Variants in PIKFYVE observed in about 807,000 individuals in gnomAD.
PIKFYVE encodes phosphoinositide kinase, FYVE-type zinc finger containing.
In PIKFYVE, 122 loss-of-function variants were observed where a neutral mutation model predicts 257.9. That is an observed-to-expected ratio of 0.47 (90% confidence interval 0.41 to 0.55). PIKFYVE has a LOEUF of 0.55. Ranked by LOEUF, PIKFYVE falls within the 20% of genes least tolerant of loss-of-function variation. The probability of loss-of-function intolerance (pLI) is 0.00; values close to 1 mark genes in which losing one functional copy is unlikely to be tolerated. For synonymous variants in PIKFYVE, 892 were observed against 868.9 expected, an observed-to-expected ratio of 1.03 and a Z score of -0.47; for missense variants, 2,160 against 2,536.6, an observed-to-expected ratio of 0.85 and a Z score of 3.19.
intron 1 of PIKFYVE, among the ~76,000 whole-genome samples, chr2:208,267,036 C>T (rs1055385741): frequency 1.1e-4 from 16 of 152,160 alleles, no homozygotes; most frequent in African/African-American, 3.9e-4. Context: ...GGTTTTCTGC[C>T]CAATCAGAGG....
At chr2:208,330,754 T>C (rs1697444724) in intron 23 of PIKFYVE, 60 bp downstream of exon 23, 2 of 1,419,330 alleles carry the variant, frequency 1.4e-6, no homozygotes, top group East Asian at 2.5e-5. Flanking sequence ...GTATGTTTTT[T>C]TTTTTTCCTG....
chr2:208,341,050 C>A (rs1027798161), intron 31 of PIKFYVE, among the ~76,000 whole-genome samples: 6 of 151,944 alleles, frequency 3.9e-5, no homozygotes, highest in African/African-American at 1.5e-4. Context: ...CTCTGTCACC[C>A]AGGCTGGAAT....
chr2:208,316,550 C>CT (rs1695543675), intron 15 of PIKFYVE, among the ~76,000 whole-genome samples: 2 of 152,024 alleles, frequency 1.3e-5, no homozygotes, highest in African/African-American at 4.8e-5. Flanking sequence ...TGTTTCCTGA[C>CT]TTTTTAATGA....
At chr2:208,349,032 G>C (rs533723453) in intron 35 of PIKFYVE, among the ~76,000 whole-genome samples, 45 of 152,026 alleles carry the variant, frequency 3.0e-4, no homozygotes, top group African/African-American at 1.1e-3. Context: ...GCCTGGTGGC[G>C]CATGCCTGTA....
chr2:208,270,812 T>G (rs1376863465), intron 1 of PIKFYVE, among the ~76,000 whole-genome samples: 1 of 152,082 alleles, frequency 6.6e-6, no homozygotes, highest in Non-Finnish European at 1.5e-5. Flanking sequence ...GGCGGGTGGA[T>G]TACCTGAAGT....
intron 7 of PIKFYVE, among the ~76,000 whole-genome samples, chr2:208,293,161 T>C (rs1053577530): frequency 2.6e-5 from 4 of 151,872 alleles, no homozygotes; most frequent in Non-Finnish European, 4.4e-5. Context: ...AATAATACTA[T>C]ACTACTTCAC....
chr2:208,305,522 T>C, intron 12 of PIKFYVE: 1 of 832,450 alleles, frequency 1.2e-6, no homozygotes, highest in Non-Finnish European at 1.4e-6. Context: ...TCTATATTTA[T>C]TAAAACAATT....
chr2:208,302,670 C>T (rs1693839486), intron 10 of PIKFYVE: 1 of 338,332 alleles, frequency 3.0e-6, no homozygotes, highest in African/African-American at 2.1e-5. Flanking sequence ...TATCATTTAA[C>T]TTTAATGGTT....
At chr2:208,335,663 T>C (rs577118548) in intron 25 of PIKFYVE, 130 bp from the exon 26 acceptor site, 12 of 861,926 alleles carry the variant, frequency 1.4e-5, no homozygotes, top group African/African-American at 8.5e-5. Context: ...TCTGCAAAAC[T>C]GTATGTAATT....
In PIKFYVE at chr2:208,325,958, A is replaced by G; in HGVS notation, c.3147A>G (p.Leu1049=). The change falls in exon 20 of 42, where the codon TTA becomes TTG. Residue 1049 remains leucine, a synonymous_variant. Coordinates refer to ENST00000264380, the MANE Select transcript of PIKFYVE (RefSeq NM_015040.4). ...KTYSLAFKQE[L]KDVILCISPV... ...ATTCTTTGGCCTTTAAGCAGGAATT[A>G]AAAGATGTGATCCTCTGTATCTCCC... The G allele has an allele frequency of 6.2e-7, 1 of 1,614,046 alleles. No individual in the cohort carries two copies. Among genetic ancestry groups the G allele is most frequent in the Non-Finnish European group, 8.5e-7 (1 of 1,179,906 alleles).
rs767043692 is a variant in PIKFYVE, at chr2:208,305,075, A to T, written c.1636+62A>T. ...CTGGACAGCTGGGCCATAGGATCTC[A>T]TGCCAGCCTGTCCTTCTGGCTTCCT... On this transcript the variant is annotated intron_variant, in intron 12 of 41. Coordinates refer to ENST00000264380, the MANE Select transcript of PIKFYVE (RefSeq NM_015040.4). The T allele has an allele frequency of 6.9e-6, 11 of 1,593,556 alleles. No individual in the cohort carries two copies. The South Asian group carries it at 1.1e-4, about 16-fold the overall frequency.
intron 31 of PIKFYVE, among the ~76,000 whole-genome samples, chr2:208,340,418 T>G (rs2125714382): frequency 6.6e-6 from 1 of 152,346 alleles, no homozygotes; most frequent in Non-Finnish European, 1.5e-5. Context: ...TGTGGCTATA[T>G]CCACTGATTT....
intron 17 of PIKFYVE, among the ~76,000 whole-genome samples, chr2:208,321,269 C>G (rs150990270): frequency 0.011 from 1,648 of 152,054 alleles, 15 homozygotes; most frequent in Middle Eastern, 0.051. Context: ...TGCTGGGTTC[C>G]AGAAACATTT....
chr2:208,348,327 G>A (rs1354313971), intron 35 of PIKFYVE, among the ~76,000 whole-genome samples: 1 of 152,166 alleles, frequency 6.6e-6, no homozygotes, highest in African/African-American at 2.4e-5. Flanking sequence ...AAAAACATTT[G>A]TCTTAATATG....
At chr2:208,269,390 C>A in intron 1 of PIKFYVE, 1 of 223,286 alleles carries the variant, frequency 4.5e-6, no homozygotes, top group South Asian at 7.5e-5. Flanking sequence ...ATGCTGTCCT[C>A]ATGTCCTGCC....
chr2:208,326,911 T>G (rs1696992091), intron 20 of PIKFYVE, among the ~76,000 whole-genome samples: 1 of 152,222 alleles, frequency 6.6e-6, no homozygotes, highest in South Asian at 2.1e-4. Context: ...GTGATCTTTT[T>G]CTTTTTAGGC....
chr2:208,282,819 CCATGGACT>C (rs1690997419), intron 5 of PIKFYVE, among the ~76,000 whole-genome samples: 1 of 152,144 alleles, frequency 6.6e-6, no homozygotes. Context: ...GACAGTTTTT[CCATGGACT>C]GGTGTGGGGG....
chr2:208,271,512 C>T lies in PIKFYVE; in HGVS notation c.-8C>T. 6.2e-7 allele frequency: 1 copy of T among 1,614,056 alleles called. No homozygotes were observed. The highest frequency in any genetic ancestry group is 8.5e-7 in the Non-Finnish European group (1 of 1,179,954). On this transcript the variant is annotated splice_region_variant and 5_prime_UTR_variant, in exon 2 of 42. Transcript: ENST00000264380. ...TTGCTTGTTTCTTTTGTTTTTCAGA[C>T]TCATGAAATGGCCACAGATGATAAG...
intron 35 of PIKFYVE, among the ~76,000 whole-genome samples, chr2:208,348,602 G>GTGTGTGTA: frequency 7.2e-6 from 1 of 138,604 alleles, no homozygotes; most frequent in African/African-American, 2.7e-5. Flanking sequence ...AAAAAAAAGT[G>GTGTGTGTA]TGTGTGTGTG....
Sources: gnomAD v4.1 joint callset for allele counts (sites outside exome capture counted in the v4.1 genomes callset) on GRCh38, gnomAD v4.1.1 for gene constraint, MANE v1.5 for transcripts, NCBI Gene and HGNC (gene_info 2026-07-23, HGNC 2026-07-21) for gene names.